The following CNBD1 variants were observed in gnomAD, a reference collection of about 807,000 sequenced individuals.
CNBD1 encodes the protein cyclic nucleotide-binding domain-containing protein 1.
CNBD1 carries 71 observed loss-of-function variants against 54.4 expected under a neutral mutation model. That is an observed-to-expected ratio of 1.30 (90% CI 1.08 to 1.59). The LOEUF is 1.59. CNBD1 is among the 40% of genes most tolerant of loss of function. The pLI, the probability that CNBD1 is intolerant of heterozygous loss-of-function variation, is 0.00. For missense variants in CNBD1, 659 were observed against 518.0 expected (o/e 1.27, Z -2.64); for synonymous variants, 182 against 170.7 (o/e 1.07, Z -0.51).
chr8:87,270,620 A>G (rs990669872), intron 6 of CNBD1, among the ~76,000 whole-genome samples: 11 of 151,840 alleles, frequency 7.2e-5, no homozygotes, highest in African/African-American at 9.7e-5. Flanking sequence ...TGGGTATATA[A>G]CCAAATAAAT....
intron 8 of CNBD1, among the ~76,000 whole-genome samples, chr8:87,319,934 A>G (rs571144560): frequency 6.6e-6 from 1 of 152,162 alleles, no homozygotes; most frequent in African/African-American, 2.4e-5. Flanking sequence ...ACAAAATTTT[A>G]TCTTTTCCCG....
At chr8:86,933,690 T>A (rs1469614178) in intron 3 of CNBD1, among the ~76,000 whole-genome samples, 9 of 152,140 alleles carry the variant, frequency 5.9e-5, no homozygotes, top group African/African-American at 1.4e-4. Flanking sequence ...GTTCCATTTT[T>A]AAAAACCTGG....
intron 4 of CNBD1, among the ~76,000 whole-genome samples, chr8:87,006,457 C>T (rs997553976): frequency 6.6e-6 from 1 of 152,100 alleles, no homozygotes; most frequent in African/African-American, 2.4e-5. Flanking sequence ...GTTTAATTGG[C>T]TTATAGTTCT....
At chr8:87,017,718 AAAG>A (rs1809396817) in intron 4 of CNBD1, among the ~76,000 whole-genome samples, 2 of 152,152 alleles carry the variant, frequency 1.3e-5, no homozygotes, top group African/African-American at 4.8e-5. Flanking sequence ...TGCTCTGGTT[AAAG>A]AAGGATTAAA....
At chr8:87,011,195 T>C (rs916867892) in intron 4 of CNBD1, among the ~76,000 whole-genome samples, 2 of 148,028 alleles carry the variant, frequency 1.4e-5, no homozygotes, top group South Asian at 2.1e-4. Context: ...TTTTTTTTTT[T>C]CAGTCCCTAA....
At chr8:87,370,909 G>A (rs1384440269) in intron 10 of CNBD1, among the ~76,000 whole-genome samples, 3 of 151,236 alleles carry the variant, frequency 2.0e-5, no homozygotes, top group Non-Finnish European at 4.4e-5. Flanking sequence ...TTTGTATAAG[G>A]TATAAGGAAG....
In CNBD1 at chr8:87,251,335, C is replaced by G. The variant is rs569416863; in HGVS notation, c.771+14223C>G. ...GGTGCATTGGCTTATGCCTGTAATC[C>G]CAGCACTTTGGGAGGCCAAGGCAGG... On this transcript the variant is annotated intron_variant, in intron 6 of 10. Coordinates refer to ENST00000518476, the MANE Select transcript of CNBD1 (RefSeq NM_173538.3). 2.6e-5 allele frequency among the ~76,000 whole-genome samples: 4 copies of G among 151,978 alleles called. No homozygotes were observed. In the East Asian group the frequency reaches 7.8e-4, roughly 29 times the overall value.
intron 4 of CNBD1, among the ~76,000 whole-genome samples, chr8:87,138,472 G>A (rs1812304843): frequency 6.6e-6 from 1 of 152,178 alleles, no homozygotes; most frequent in Non-Finnish European, 1.5e-5. Flanking sequence ...TTCTCTGTTT[G>A]CAAGCATCAC....
intron 4 of CNBD1, among the ~76,000 whole-genome samples, chr8:87,131,061 A>G (rs1030595620): frequency 7.3e-5 from 11 of 151,672 alleles, no homozygotes; most frequent in Admixed American, 5.3e-4. Context: ...TTTCCTTTTA[A>G]TCTATCTGCA....
intron 4 of CNBD1, among the ~76,000 whole-genome samples, chr8:87,040,427 T>C (rs950629608): frequency 9.4e-5 from 14 of 149,328 alleles, no homozygotes; most frequent in African/African-American, 3.4e-4. Flanking sequence ...CTTTTTCTTT[T>C]TTTTTTTTTT....
At chr8:87,231,569 C>T (rs541313504) in intron 5 of CNBD1, among the ~76,000 whole-genome samples, 1 of 152,258 alleles carries the variant, frequency 6.6e-6, no homozygotes, top group South Asian at 2.1e-4. Context: ...TAGTGTCTCT[C>T]ATATAATAAA....
chr8:87,067,072 A>G (rs1055240572), intron 4 of CNBD1, among the ~76,000 whole-genome samples: 3 of 151,996 alleles, frequency 2.0e-5, no homozygotes, highest in Non-Finnish European at 4.4e-5. Context: ...GGTACAATGC[A>G]CATGTGTGCT....
rs538748740 is a variant in CNBD1 at position 87,351,516 on chromosome 8, G to A, written c.1043-169G>A. On this transcript the variant is annotated intron_variant, in intron 8 of 10. Transcript: ENST00000518476. ...ATTATGTTAGAGATATAAATACTGGGCGTAATCTTTTACATCTTGTATTAA... is the reference window on the plus strand; with the variant it reads ...ATTATGTTAGAGATATAAATACTGGACGTAATCTTTTACATCTTGTATTAA... Among the ~76,000 whole-genome samples the A allele has an allele frequency of 3.3e-5, 5 of 152,238 alleles. No homozygotes were observed. In the South Asian group the frequency reaches 6.2e-4, roughly 19 times the overall value.
intron 4 of CNBD1, among the ~76,000 whole-genome samples, chr8:87,045,585 C>T (rs536025296): frequency 6.6e-6 from 1 of 151,398 alleles, no homozygotes; most frequent in Admixed American, 6.6e-5. Flanking sequence ...ATTAGCCGGG[C>T]GTGGTGGCAG....
chr8:87,327,970 T>C (rs1809721300), intron 8 of CNBD1, among the ~76,000 whole-genome samples: 1 of 152,180 alleles, frequency 6.6e-6, no homozygotes, highest in Non-Finnish European at 1.5e-5. Flanking sequence ...ATCCAGTTTT[T>C]CTTTTTTTAA....
At chr8:87,181,268 T>C (rs1813305507) in intron 4 of CNBD1, among the ~76,000 whole-genome samples, 1 of 152,210 alleles carries the variant, frequency 6.6e-6, no homozygotes, top group Non-Finnish European at 1.5e-5. Flanking sequence ...ATATACAGTA[T>C]GCAACTTAAT....
At chr8:86,878,080 C>CTGAG (rs1554627110) in intron 1 of CNBD1, among the ~76,000 whole-genome samples, 1 of 135,876 alleles carries the variant, frequency 7.4e-6, no homozygotes, top group Non-Finnish European at 1.6e-5. Context: ...TTCATCAAAG[C>CTGAG]TGTGTGTGTG....
chr8:87,324,714 T>C (rs1306951885), intron 8 of CNBD1, among the ~76,000 whole-genome samples: 3 of 151,864 alleles, frequency 2.0e-5, no homozygotes, highest in Non-Finnish European at 4.4e-5. Flanking sequence ...GTAGTCTTGC[T>C]AGCGGTCTAT....
intron 2 of CNBD1, among the ~76,000 whole-genome samples, chr8:87,395,064 A>G (rs1811384893): frequency 6.6e-6 from 1 of 151,922 alleles, no homozygotes; most frequent in South Asian, 2.1e-4. Flanking sequence ...TGTTTTTTTT[A>G]CTCAAAATAC....
Sources: gnomAD v4.1 joint callset for allele counts (sites outside exome capture counted in the v4.1 genomes callset) on GRCh38, gnomAD v4.1.1 for gene constraint, MANE v1.5 for transcripts, NCBI Gene and HGNC (gene_info 2026-07-23, HGNC 2026-07-21) for gene names.